The following TRIM2 variants were observed in gnomAD, a reference collection of about 807,000 sequenced individuals.
The protein encoded by TRIM2 is tripartite motif containing 2, also known as tripartite motif-containing protein 2.
In TRIM2, 20 loss-of-function variants were observed where a neutral mutation model predicts 75.2. The observed-to-expected ratio is 0.27, with a 90% CI of 0.19 to 0.39. The LOEUF (loss-of-function observed/expected upper bound fraction) is 0.39. TRIM2 is among the 10% of genes least tolerant of loss of function. TRIM2 has a pLI of 1.00. For missense variants in TRIM2, 660 were observed against 990.8 expected, an observed-to-expected ratio of 0.67 and a Z score of 4.48; for synonymous variants, 373 against 388.3, an observed-to-expected ratio of 0.96 and a Z score of 0.46.
intron 1 of TRIM2, among the ~76,000 whole-genome samples, chr4:153,174,258 G>A (rs1202238885): frequency 1.3e-5 from 2 of 151,752 alleles, no homozygotes; most frequent in African/African-American, 4.8e-5. Context: ...CACCAGAAGT[G>A]TAAGAACGGT....
rs138698019 is a variant in TRIM2, at chr4:153,218,957, G to A, written c.30+14397G>A. Among the ~76,000 whole-genome samples the A allele has an allele frequency of 1.9e-3, 286 of 150,864 alleles. 1 individual carries two copies. The highest frequency in any genetic ancestry group is 6.0e-3 in the African/African-American group (244 of 40,836). On this transcript the variant is annotated intron_variant, in intron 1 of 11. Coordinates refer to ENST00000338700, the MANE Select transcript of TRIM2 (RefSeq NM_015271.5). Reference sequence around the variant, plus strand: ...TCTATTATGGAGAGTAAAACACCCCGCTTTGCTTTGGATTACAGATGATTG... The same window carrying A: ...TCTATTATGGAGAGTAAAACACCCCACTTTGCTTTGGATTACAGATGATTG...
At chr4:153,236,714 A>G (rs115154231) in intron 1 of TRIM2, among the ~76,000 whole-genome samples, 1,409 of 140,830 alleles carry the variant, frequency 0.01, 21 homozygotes, top group African/African-American at 0.038. Flanking sequence ...CTCTTGAGAC[A>G]GGGTCTCACT....
intron 1 of TRIM2, among the ~76,000 whole-genome samples, chr4:153,173,689 C>T (rs1036172076): frequency 2.6e-5 from 4 of 151,166 alleles, no homozygotes; most frequent in African/African-American, 4.9e-5. Flanking sequence ...ATAATAAGGC[C>T]GGACGTGGTG....
At chr4:153,243,218 G>T (rs1244173153) in intron 1 of TRIM2, among the ~76,000 whole-genome samples, 1 of 152,248 alleles carries the variant, frequency 6.6e-6, no homozygotes, top group Non-Finnish European at 1.5e-5. Flanking sequence ...CTTCCTATCA[G>T]TACCGCCAAA....
In TRIM2 at chr4:153,204,666, A is replaced by C. The variant is rs540444833; in HGVS notation, c.30+106A>C. On this transcript the variant is annotated intron_variant, in intron 1 of 11. Coordinates refer to ENST00000338700, the MANE Select transcript of TRIM2 (RefSeq NM_015271.5). Reference sequence around the variant, plus strand: ...TGGGTTGCTACTTTTTCCTGGTTTTAATTTTTTCCCTGCAGAAGAGGGAAG... The same window carrying C: ...TGGGTTGCTACTTTTTCCTGGTTTTCATTTTTTCCCTGCAGAAGAGGGAAG... 137 of 1,418,978 alleles carry C rather than the reference A, an allele frequency of 9.7e-5. 3 individuals are homozygous for C. The South Asian group carries it at 1.4e-3, about 15-fold the overall frequency. The allele number at this position is 1,418,978 out of a possible 1,614,324, so 87.9% of individuals were successfully genotyped here. A position where few individuals can be genotyped will look rare whatever the true frequency, so the allele number is the denominator to read the frequency against.
intron 1 of TRIM2, among the ~76,000 whole-genome samples, chr4:153,221,342 C>T (rs1225721493): frequency 2.0e-5 from 3 of 152,078 alleles, no homozygotes; most frequent in Non-Finnish European, 2.9e-5. Context: ...ATGTGAAGAT[C>T]GCTTGAGCCC....
In TRIM2 at chr4:153,293,135, TG is replaced by T; in HGVS notation, c.605+7del. On this transcript the variant is annotated splice_donor_region_variant and intron_variant, in intron 4 of 11. Coordinates refer to ENST00000338700, the MANE Select transcript of TRIM2 (RefSeq NM_015271.5). Reference sequence around the variant, plus strand: ...CCAGCTGGATGCTGTCAACAAAAGGTGGGGGACCCCTCCCCAAACCCCCAAC... The same window carrying T: ...CCAGCTGGATGCTGTCAACAAAAGGTGGGGACCCCTCCCCAAACCCCCAAC... 6.2e-7 allele frequency: 1 copy of T among 1,600,936 alleles called. No individual in the cohort carries two copies. Among genetic ancestry groups the T allele is most frequent in the South Asian group, 1.1e-5 (1 of 90,262 alleles).
intron 1 of TRIM2, among the ~76,000 whole-genome samples, chr4:153,206,814 T>A (rs549799538): frequency 6.6e-6 from 1 of 152,322 alleles, no homozygotes; most frequent in South Asian, 2.1e-4. Context: ...GAGCCCTCAG[T>A]CGTCAATCAT....
chr4:153,259,533 T>C, intron 1 of TRIM2, among the ~76,000 whole-genome samples: 1 of 152,236 alleles, frequency 6.6e-6, no homozygotes, highest in East Asian at 1.9e-4. Flanking sequence ...AGAAATACTT[T>C]TGAATTTTAA....
At chr4:153,202,457 G>A (rs912310709), upstream of TRIM2, among the ~76,000 whole-genome samples, 6 of 152,154 alleles carry the variant, frequency 3.9e-5, no homozygotes, top group African/African-American at 1.4e-4. Context: ...AGCACTTTGG[G>A]AGGCCAAGGC....
At chr4:153,308,079 A>AGTGGGT in intron 6 of TRIM2, 1 of 828,458 alleles carries the variant, frequency 1.2e-6, no homozygotes, top group Non-Finnish European at 2.2e-6. Context: ...GTACCTATCA[A>AGTGGGT]ATACTTTCTG....
intron 3 of TRIM2, among the ~76,000 whole-genome samples, chr4:153,284,466 A>G (rs1462873175): frequency 6.6e-6 from 1 of 152,022 alleles, no homozygotes; most frequent in African/African-American, 2.4e-5. Context: ...GGCCTCCCAA[A>G]GTGCTGGGAT....
At chr4:153,276,159 C>T in intron 3 of TRIM2, 29 bp downstream of exon 3, 10 of 1,583,286 alleles carry the variant, frequency 6.3e-6, no homozygotes, top group East Asian at 2.2e-5. Context: ...AGATACTGCC[C>T]GGGAGCATGA....
intron 1 of TRIM2, among the ~76,000 whole-genome samples, chr4:153,165,170 G>A (rs1579261549): frequency 6.6e-6 from 1 of 151,926 alleles, no homozygotes; most frequent in Non-Finnish European, 1.5e-5. Flanking sequence ...TATTGTTTGG[G>A]GCTTGCTTTT....
intron 6 of TRIM2, among the ~76,000 whole-genome samples, chr4:153,307,363 C>T (rs947835815): frequency 2.0e-5 from 3 of 152,156 alleles, no homozygotes; most frequent in African/African-American, 7.2e-5. Context: ...GAATGAAACA[C>T]TCATTTTACT....
chr4:153,255,001 A>G (rs571816554), intron 1 of TRIM2, among the ~76,000 whole-genome samples: 1 of 152,246 alleles, frequency 6.6e-6, no homozygotes, highest in East Asian at 1.9e-4. Context: ...TGCTGCACTC[A>G]GTGCTTGAAA....
intron 1 of TRIM2, among the ~76,000 whole-genome samples, chr4:153,228,674 T>C (rs906237006): frequency 6.6e-6 from 1 of 152,262 alleles, no homozygotes; most frequent in African/African-American, 2.4e-5. Flanking sequence ...TTTGTCCATC[T>C]GTTGTGGCAC....
chr4:153,192,672 C>T (rs1002969110), intron 1 of TRIM2, among the ~76,000 whole-genome samples: 1 of 150,634 alleles, frequency 6.6e-6, no homozygotes, highest in African/African-American at 2.4e-5. Flanking sequence ...TTAATGATGA[C>T]AGTTCGATAT....
upstream of TRIM2, among the ~76,000 whole-genome samples, chr4:153,202,129 A>T (rs1388532929): frequency 6.6e-6 from 1 of 152,246 alleles, no homozygotes; most frequent in East Asian, 1.9e-4. Context: ...ATAGATTAGA[A>T]AGGATGGCAT....
Sources: gnomAD v4.1 joint callset for allele counts (sites outside exome capture counted in the v4.1 genomes callset) on GRCh38, gnomAD v4.1.1 for gene constraint, MANE v1.5 for transcripts, NCBI Gene and HGNC (gene_info 2026-07-23, HGNC 2026-07-21) for gene names.